The following PABPC4L variants were observed in gnomAD, a reference collection of about 807,000 sequenced individuals.
PABPC4L encodes the protein polyadenylate-binding protein 4-like.
For missense variants in PABPC4L, 452 were observed against 451.4 expected, an observed-to-expected ratio of 1.00 and a Z score of -0.01; for synonymous variants, 169 against 164.1, an observed-to-expected ratio of 1.03 and a Z score of -0.23.
the PABPC4L span, among the ~76,000 whole-genome samples, chr4:134,072,641 G>A: frequency 6.6e-6 from 1 of 152,054 alleles, no homozygotes; most frequent in Admixed American, 6.6e-5. Context: ...GTTAGCCTTT[G>A]TATTAGTCCA....
chr4:134,017,314 G>A, the PABPC4L span, among the ~76,000 whole-genome samples: 3 of 152,134 alleles, frequency 2.0e-5, no homozygotes, highest in Non-Finnish European at 2.9e-5. Context: ...ACAGGGTACA[G>A]TCCATTTGAG....
At chr4:134,105,512 C>T in the PABPC4L span, among the ~76,000 whole-genome samples, 2 of 151,502 alleles carry the variant, frequency 1.3e-5, no homozygotes, top group African/African-American at 4.8e-5. Flanking sequence ...CTAAGGATGC[C>T]TCCATTTTTT....
the PABPC4L span, among the ~76,000 whole-genome samples, chr4:134,076,633 G>A: frequency 5.3e-5 from 8 of 152,040 alleles, no homozygotes; most frequent in East Asian, 1.9e-4. Context: ...TAATCTTTGC[G>A]GGCAAGTAAT....
At chr4:134,078,156 G>T in the PABPC4L span, among the ~76,000 whole-genome samples, 2 of 150,954 alleles carry the variant, frequency 1.3e-5, no homozygotes, top group Non-Finnish European at 2.9e-5. Context: ...TAAAGTAAAA[G>T]CTTACATAAG....
chr4:134,124,677 A>G, the PABPC4L span, among the ~76,000 whole-genome samples: 5 of 152,042 alleles, frequency 3.3e-5, no homozygotes, highest in African/African-American at 1.2e-4. Flanking sequence ...TCTTTCCCTT[A>G]TCTAAGTTCA....
At chr4:134,140,396 A>G in the PABPC4L span, among the ~76,000 whole-genome samples, 1 of 151,864 alleles carries the variant, frequency 6.6e-6, no homozygotes, top group Non-Finnish European at 1.5e-5. Context: ...GTCCAAGGTG[A>G]CATTCTAATA....
the PABPC4L span, among the ~76,000 whole-genome samples, chr4:134,025,219 G>A: frequency 2.0e-5 from 3 of 148,162 alleles, no homozygotes; most frequent in African/African-American, 7.5e-5. Flanking sequence ...TGTAATCCCA[G>A]CTACTTGGGA....
chr4:134,163,322 C>A, the PABPC4L span, among the ~76,000 whole-genome samples: 1 of 151,948 alleles, frequency 6.6e-6, no homozygotes, highest in South Asian at 2.1e-4. Context: ...AAACAGAAAT[C>A]CTGAATACAC....
chr4:134,017,084 A>G, the PABPC4L span, among the ~76,000 whole-genome samples: 1 of 152,114 alleles, frequency 6.6e-6, no homozygotes, highest in African/African-American at 2.4e-5. Context: ...CCTATAACAG[A>G]TCAGCCTTTA....
At chr4:134,025,305 C>CA in the PABPC4L span, among the ~76,000 whole-genome samples, 2,954 of 45,036 alleles carry the variant, frequency 0.066, 126 homozygotes, top group East Asian at 0.082. Context: ...GAATTCATCT[C>CA]AAAAAAAAAA....
At chr4:134,172,390 A>G in the PABPC4L span, among the ~76,000 whole-genome samples, 3 of 152,186 alleles carry the variant, frequency 2.0e-5, no homozygotes, top group Non-Finnish European at 2.9e-5. Flanking sequence ...GATCTTTGAC[A>G]AAGTTGACCA....
the PABPC4L span, among the ~76,000 whole-genome samples, chr4:134,099,167 G>A: frequency 6.6e-6 from 1 of 151,546 alleles, no homozygotes; most frequent in South Asian, 2.1e-4. Flanking sequence ...ATAATATTCC[G>A]TAATATTTTA....
At chr4:134,130,554 A>T in the PABPC4L span, among the ~76,000 whole-genome samples, 1 of 152,106 alleles carries the variant, frequency 6.6e-6, no homozygotes, top group African/African-American at 2.4e-5. Context: ...GCCAAGTAAA[A>T]AAAAAGGCCA....
chr4:134,079,578 C>CAAAAAAAAAAAAAAAAAA, the PABPC4L span, among the ~76,000 whole-genome samples: 2 of 90,688 alleles, frequency 2.2e-5, no homozygotes, highest in Non-Finnish European at 4.3e-5. Context: ...GACTTCCTCT[C>CAAAAAAAAAAAAAAAAAA]AAAAAAAAAA....
At chr4:133,986,587 T>C in the PABPC4L span, among the ~76,000 whole-genome samples, 2 of 152,248 alleles carry the variant, frequency 1.3e-5, no homozygotes, top group South Asian at 4.1e-4. Context: ...GAAATTGATT[T>C]GCAAAACCTC....
chr4:134,087,364 G>C, the PABPC4L span, among the ~76,000 whole-genome samples: 1 of 152,072 alleles, frequency 6.6e-6, no homozygotes, highest in African/African-American at 2.4e-5. Context: ...TTCTTTTACT[G>C]AGTTCTCAAA....
the PABPC4L span, among the ~76,000 whole-genome samples, chr4:134,188,920 T>C: frequency 6.6e-6 from 1 of 152,190 alleles, no homozygotes; most frequent in African/African-American, 2.4e-5. Flanking sequence ...CTTCATTTAA[T>C]ATTTTCATTA....
At chr4:134,195,552 G>A (rs1729630434), downstream of PABPC4L, among the ~76,000 whole-genome samples, 1 of 151,814 alleles carries the variant, frequency 6.6e-6, no homozygotes, top group Admixed American at 6.6e-5. Flanking sequence ...AATATCTAAG[G>A]TGATGTAAAT....
chr4:133,960,747 C>T, the PABPC4L span, among the ~76,000 whole-genome samples: 65 of 152,234 alleles, frequency 4.3e-4, no homozygotes, highest in Admixed American at 1.8e-3. Context: ...GTGAGACTGG[C>T]TCTTCAGATT....
Sources: allele counts gnomAD v4.1 joint callset (sites outside exome capture counted in the v4.1 genomes callset), GRCh38; gene constraint gnomAD v4.1.1; transcripts MANE v1.5; gene names NCBI Gene and HGNC (gene_info 2026-07-23, HGNC 2026-07-21).